TBXAS1: variants seen among roughly 807,000 people sequenced by gnomAD.
TBXAS1 encodes the protein thromboxane-A synthase.
TBXAS1 carries 48 observed loss-of-function variants against 60.7 expected under a neutral mutation model. That is an observed-to-expected ratio of 0.79 (90% confidence interval 0.63 to 1.01). TBXAS1 has a LOEUF of 1.01. Ranked by LOEUF, TBXAS1 falls within the 50% of genes least tolerant of loss-of-function variation. The pLI, the probability that TBXAS1 is intolerant of heterozygous loss-of-function variation, is 0.00. For missense variants in TBXAS1, 685 were observed against 686.3 expected, an observed-to-expected ratio of 1.00 and a Z score of 0.02; for synonymous variants, 287 against 269.7, an observed-to-expected ratio of 1.06 and a Z score of -0.63.
At chr7:139,986,804 T>TAC in intron 9 of TBXAS1, among the ~76,000 whole-genome samples, 2 of 24,090 alleles carry the variant, frequency 8.3e-5, no homozygotes, top group Non-Finnish European at 1.5e-4. Flanking sequence ...TGTGTGTATA[T>TAC]ATATATATAT....
intron 9 of TBXAS1, among the ~76,000 whole-genome samples, chr7:139,984,810 GAAAGA>G (rs1207206929): frequency 7.9e-6 from 1 of 126,792 alleles, no homozygotes; most frequent in African/African-American, 3.0e-5. Context: ...AAGGGGGAAA[GAAAGA>G]AAAGAAGAAG....
At position 139,904,771 on chromosome 7, in the gene TBXAS1, G is replaced by A. The variant is rs150538144; in HGVS notation, c.237-6454G>A. Among the ~76,000 whole-genome samples the A allele has an allele frequency of 1.6e-4, 25 of 152,256 alleles. 1 individual carries two copies. The East Asian group carries it at 4.8e-3, about 29-fold the overall frequency. ...TTGGTCATTGTTGGTGTATAGAAGA[G>A]CTACTGATTGGTGTACATTAATCTT... On this transcript the variant is annotated intron_variant, in intron 3 of 12. Coordinates refer to ENST00000448866, the MANE Select transcript of TBXAS1 (RefSeq NM_001061.7).
intron 3 of TBXAS1, among the ~76,000 whole-genome samples, chr7:139,783,047 A>G (rs958605300): frequency 2.6e-5 from 4 of 152,226 alleles, no homozygotes; most frequent in Non-Finnish European, 4.4e-5. Flanking sequence ...TCTTTAACTG[A>G]AAGCTTCAGT....
At position 140,004,585 on chromosome 7, in the gene TBXAS1, G is replaced by C. The variant is rs1813915796; in HGVS notation, c.1135-2506G>C. On this transcript the variant is annotated intron_variant, in intron 9 of 12. Coordinates refer to ENST00000448866, the MANE Select transcript of TBXAS1 (RefSeq NM_001061.7). The surrounding 1 kb of genome is among the most constrained non-coding windows in gnomAD (Gnocchi z 5.1). ...AGTTGCCTCCAGGTTTGCCCAACGG[G>C]GATGTTCTTTCAGGCCTGGACATAC... Among the ~76,000 whole-genome samples, 1 of 152,140 alleles carries C rather than the reference G, an allele frequency of 6.6e-6. No homozygotes were observed. Among genetic ancestry groups the C allele is most frequent in the Non-Finnish European group, 1.5e-5 (1 of 68,018 alleles).
chr7:139,894,989 T>C (rs553528890), intron 3 of TBXAS1, among the ~76,000 whole-genome samples: 3 of 152,180 alleles, frequency 2.0e-5, no homozygotes, highest in Admixed American at 2.0e-4. Flanking sequence ...TGCCAGGTAG[T>C]ATAGTGGCTG....
rs779351983 is a variant in TBXAS1, at chr7:140,020,002, TATTTTA to T, written c.1528-17_1528-12del. 12 of 1,610,988 alleles carry T rather than the reference TATTTTA, an allele frequency of 7.4e-6. No individual in the cohort carries two copies. Among genetic ancestry groups the T allele is most frequent in the Middle Eastern group, 1.6e-4 (1 of 6,074 alleles). Reference sequence around the variant, plus strand: ...GAGATGCTACTATCTCTTTGACAAATATTTTAATTTTCTCTATTTTAGGTACCGCTG... The same window carrying T: ...GAGATGCTACTATCTCTTTGACAAATATTTTCTCTATTTTAGGTACCGCTG... On this transcript the variant is annotated splice_polypyrimidine_tract_variant and intron_variant, in intron 12 of 12. Coordinates refer to ENST00000448866, the MANE Select transcript of TBXAS1 (RefSeq NM_001061.7).
intron 1 of TBXAS1, among the ~76,000 whole-genome samples, chr7:139,847,210 C>T (rs1799878041): frequency 6.6e-6 from 1 of 152,124 alleles, no homozygotes; most frequent in Non-Finnish European, 1.5e-5. Flanking sequence ...TTTCCCATGA[C>T]AAAATTTACA....
chr7:139,909,810 T>C (rs990305155), intron 3 of TBXAS1, among the ~76,000 whole-genome samples: 1 of 152,196 alleles, frequency 6.6e-6, no homozygotes, highest in African/African-American at 2.4e-5. Context: ...AGCGATCAAA[T>C]TACATCCCTG....
intron 9 of TBXAS1, among the ~76,000 whole-genome samples, chr7:139,992,586 A>G (rs1812996284): frequency 6.6e-6 from 1 of 152,246 alleles, no homozygotes; most frequent in African/African-American, 2.4e-5. Flanking sequence ...AAATAGCATC[A>G]GGTGGAGGAG....
At chr7:139,789,777 C>G (rs1797319889) in intron 4 of TBXAS1, among the ~76,000 whole-genome samples, 1 of 151,940 alleles carries the variant, frequency 6.6e-6, no homozygotes, top group Non-Finnish European at 1.5e-5. Context: ...ATCACAGGTG[C>G]CTGCCACCAC....
rs2299898 is a variant in TBXAS1 at position 139,981,484 on chromosome 7, T to A, written c.1134+19251T>A. Among the ~76,000 whole-genome samples, 1,413 of 152,330 alleles carry A rather than the reference T, an allele frequency of 9.3e-3. 64 individuals carry two copies. Among genetic ancestry groups the A allele is most frequent in the Admixed American group, 0.083 (1,266 of 15,290 alleles). Reference sequence around the variant, plus strand: ...TGTGCTGTGGAAAAGTGAAGCAGAATGGCTTTTTATCCCTTGTGTATGATC... The same window carrying A: ...TGTGCTGTGGAAAAGTGAAGCAGAAAGGCTTTTTATCCCTTGTGTATGATC... On this transcript the variant is annotated intron_variant, in intron 9 of 12. Transcript: ENST00000448866.
rs1358027579 is a variant in TBXAS1 at position 140,004,716 on chromosome 7, G to T, written c.1135-2375G>T. Among the ~76,000 whole-genome samples, 1 of 152,164 alleles carries T rather than the reference G, an allele frequency of 6.6e-6. No individual in the cohort carries two copies. The highest frequency in any genetic ancestry group is 1.5e-5 in the Non-Finnish European group (1 of 68,030). On this transcript the variant is annotated intron_variant, in intron 9 of 12. Coordinates refer to ENST00000448866, the MANE Select transcript of TBXAS1 (RefSeq NM_001061.7). The surrounding 1 kb of genome is among the most constrained non-coding windows in gnomAD (Gnocchi z 5.1). ...CAGGGAGGCAGGATCTAGGGAAATTGGTCCAGCTGTCTCCCCTTTCCACAG... is the reference window on the plus strand; with the variant it reads ...CAGGGAGGCAGGATCTAGGGAAATTTGTCCAGCTGTCTCCCCTTTCCACAG...
At chr7:139,897,592 G>A (rs1199810565) in intron 3 of TBXAS1, among the ~76,000 whole-genome samples, 1 of 152,136 alleles carries the variant, frequency 6.6e-6, no homozygotes, top group Non-Finnish European at 1.5e-5. Context: ...CTGAGTGGGA[G>A]GTCCAAAGTC....
chr7:139,985,630 G>A (rs895162549), intron 9 of TBXAS1, among the ~76,000 whole-genome samples: 6 of 152,168 alleles, frequency 3.9e-5, no homozygotes, highest in Admixed American at 1.3e-4. Flanking sequence ...TCTAGAGTTT[G>A]GTGACCAATT....
chr7:139,919,281 G>GT (rs1806258576), intron 4 of TBXAS1, among the ~76,000 whole-genome samples: 1 of 152,240 alleles, frequency 6.6e-6, no homozygotes, highest in Admixed American at 6.5e-5. Context: ...AACAACGTTT[G>GT]TAACAGTGGT....
At chr7:139,993,853 CTTTG>C (rs2117616345) in intron 9 of TBXAS1, among the ~76,000 whole-genome samples, 1 of 148,324 alleles carries the variant, frequency 6.7e-6, no homozygotes, top group East Asian at 2.0e-4. Flanking sequence ...TTGAACTGCT[CTTTG>C]TTTGCTTTGC....
At chr7:139,784,028 A>AT (rs1797093050) in intron 3 of TBXAS1, among the ~76,000 whole-genome samples, 2 of 85,900 alleles carry the variant, frequency 2.3e-5, no homozygotes, top group African/African-American at 8.3e-5. Flanking sequence ...TTTTTTTTGT[A>AT]TTTTTTCCCA....
intron 3 of TBXAS1, among the ~76,000 whole-genome samples, chr7:139,901,523 T>G (rs1375237090): frequency 6.6e-6 from 1 of 152,052 alleles, no homozygotes; most frequent in African/African-American, 2.4e-5. Flanking sequence ...TCCTTTTAGA[T>G]CTAAGAATTT....
chr7:139,869,996 T>C (rs1204539335), intron 1 of TBXAS1, among the ~76,000 whole-genome samples: 1 of 152,114 alleles, frequency 6.6e-6, no homozygotes, highest in African/African-American at 2.4e-5. Context: ...CCCTGCAGAT[T>C]TGGGTGCAGG....
Sources: allele counts gnomAD v4.1 joint callset (sites outside exome capture counted in the v4.1 genomes callset), GRCh38; gene constraint gnomAD v4.1.1; non-coding constraint Gnocchi (gnomAD v3.1); transcripts MANE v1.5; gene names NCBI Gene and HGNC (gene_info 2026-07-23, HGNC 2026-07-21).